Variants in LRRC27 observed in about 807,000 individuals in gnomAD.
LRRC27 encodes leucine-rich repeat-containing protein 27.
In LRRC27, 57 loss-of-function variants were observed where a neutral mutation model predicts 55.0. The ratio of observed to expected loss-of-function variants is 1.04; its 90% CI spans 0.84 to 1.29. The LOEUF is 1.29. LRRC27 is among the 50% of genes most tolerant of loss of function. LRRC27 has a pLI of 0.00. For synonymous variants in LRRC27, 278 were observed against 251.9 expected (o/e 1.10, Z -0.98); for missense variants, 721 against 651.5 (o/e 1.11, Z -1.16).
At chr10:132,333,010 A>G (rs1430028561) in intron 1 of LRRC27, among the ~76,000 whole-genome samples, 2 of 152,342 alleles carry the variant, frequency 1.3e-5, no homozygotes, top group African/African-American at 4.8e-5. Context: ...AGCCAGACTT[A>G]GTTCTGGTCA....
At chr10:132,361,750 C>T (rs552040688) in intron 9 of LRRC27, among the ~76,000 whole-genome samples, 175 bp downstream of exon 9, 2 of 152,184 alleles carry the variant, frequency 1.3e-5, no homozygotes, top group East Asian at 1.9e-4. Flanking sequence ...AGCCAGGTAA[C>T]CCTGGAAGAT....
intron 7 of LRRC27, among the ~76,000 whole-genome samples, chr10:132,355,503 C>T (rs2068264993): frequency 1.3e-5 from 2 of 152,214 alleles, no homozygotes; most frequent in Non-Finnish European, 1.5e-5. Context: ...TGAAAGGGGT[C>T]CTGATGCCTT....
intron 5 of LRRC27, 90 bp downstream of exon 5, chr10:132,344,740 C>A: frequency 7.0e-7 from 1 of 1,437,940 alleles, no homozygotes; most frequent in Non-Finnish European, 9.6e-7. Context: ...TCTTTAATAA[C>A]ATCCTGAGAA....
intron 9 of LRRC27, among the ~76,000 whole-genome samples, chr10:132,364,420 T>TACATCTACCTCC (rs1564853282): frequency 1.5e-5 from 1 of 66,588 alleles, no homozygotes; most frequent in Non-Finnish European, 3.2e-5. Context: ...CACCCGCGCT[T>TACATCTACCTCC]ACACCCACGC....
intron 10 of LRRC27, among the ~76,000 whole-genome samples, chr10:132,369,704 C>CT (rs1296540857): frequency 2.0e-5 from 3 of 152,216 alleles, no homozygotes; most frequent in East Asian, 1.9e-4. Context: ...ACTGTGGACT[C>CT]TGAGTGGTGG....
intron 10 of LRRC27, among the ~76,000 whole-genome samples, chr10:132,370,356 A>G (rs1190032452): frequency 6.6e-6 from 1 of 152,250 alleles, no homozygotes; most frequent in Non-Finnish European, 1.5e-5. Context: ...AGACAGGGAC[A>G]TAAACACCCG....
chr10:132,366,558 C>T lies in LRRC27; in HGVS notation c.1416+1008C>T, dbSNP rs114943765. On this transcript the variant is annotated intron_variant, in intron 10 of 10. Transcript: ENST00000368614. The stretch of plus-strand genomic sequence containing the variant: ...GCCAGCCCATCCAGCTGTAGAAGGA[C>T]ACAGCTGCTGTCCCTGGCAGTGAAC... The T allele has an allele frequency of 6.7e-3, 1,090 of 161,516 alleles. 7 individuals carry two copies. The highest frequency in any genetic ancestry group is 0.024 in the Middle Eastern group (8 of 328). The allele number at this position is 161,516 out of a possible 1,614,324, so 10.0% of individuals were successfully genotyped here.
At chr10:132,362,437 G>A (rs575507761) in intron 9 of LRRC27, among the ~76,000 whole-genome samples, 3 of 152,174 alleles carry the variant, frequency 2.0e-5, no homozygotes, top group Admixed American at 6.5e-5. Flanking sequence ...TGGGTGGCCC[G>A]GCGAGTTCAC....
intron 10 of LRRC27, among the ~76,000 whole-genome samples, chr10:132,368,559 G>A (rs774323026): frequency 2.6e-4 from 40 of 152,200 alleles, no homozygotes; most frequent in African/African-American, 6.0e-4. Flanking sequence ...CAACTCAGTG[G>A]AGAAAGCGTA....
intron 10 of LRRC27, among the ~76,000 whole-genome samples, chr10:132,373,749 C>A (rs1250867015): frequency 6.6e-6 from 1 of 152,170 alleles, no homozygotes; most frequent in Non-Finnish European, 1.5e-5. Flanking sequence ...CCCCCGGCCG[C>A]CCCCTACTGT....
chr10:132,367,372 CAG>C (rs929111496), intron 10 of LRRC27, among the ~76,000 whole-genome samples: 11 of 152,270 alleles, frequency 7.2e-5, no homozygotes, highest in African/African-American at 2.6e-4. Flanking sequence ...AAGACAGAAA[CAG>C]AGAGAAAACT....
In LRRC27 at chr10:132,372,377, G is replaced by T. The variant is rs952193453; in HGVS notation, c.1417-2689G>T. Among the ~76,000 whole-genome samples the T allele has an allele frequency of 2.0e-5, 3 of 152,232 alleles. No individual in the cohort carries two copies. The highest frequency in any genetic ancestry group is 7.2e-5 in the African/African-American group (3 of 41,456). On this transcript the variant is annotated intron_variant, in intron 10 of 10. Coordinates refer to ENST00000368614, the MANE Select transcript of LRRC27 (RefSeq NM_030626.3). The surrounding 1 kb of genome is among the most constrained non-coding windows in gnomAD (Gnocchi z 4.0). ...AGGTCAGGAGTTTGAGACCAACCTG[G>T]CCAACCTGGTGAAACCCCGTCTCTA...
chr10:132,337,706 T>C lies in LRRC27; in HGVS notation c.341+11T>C. 1 of 1,612,170 alleles carries C rather than the reference T, an allele frequency of 6.2e-7. No individual in the cohort carries two copies. The highest frequency in any genetic ancestry group is 1.1e-5 in the South Asian group (1 of 90,872). On this transcript the variant is annotated intron_variant, in intron 3 of 10. Coordinates refer to ENST00000368614, the MANE Select transcript of LRRC27 (RefSeq NM_030626.3). ...GATTGGAGCTCACCAGTAAGTTGTT[T>C]ATGTTTCCAGATTTTAAAAATCATC...
At position 132,377,147 on chromosome 10, in the gene LRRC27, G is replaced by A. The variant is rs1220139581; in HGVS notation, c.*1905G>A. The A allele has an allele frequency of 1.3e-5, 2 of 152,070 alleles. No individual in the cohort carries two copies. The highest frequency in any genetic ancestry group is 4.8e-5 in the African/African-American group (2 of 41,374). 9.4% of individuals were successfully genotyped at this position (152,070 alleles called of 1,614,324 possible). A position where few individuals can be genotyped will look rare whatever the true frequency, so the allele number is the denominator to read the frequency against. On this transcript the variant is annotated 3_prime_UTR_variant, in exon 11 of 11. Coordinates refer to ENST00000368614, the MANE Select transcript of LRRC27 (RefSeq NM_030626.3). ...TCTTCTTCCCTCCTTCTACTGTACT[G>A]GATTTAAAGCGCACCTTATAGAGAC...
intron 6 of LRRC27, 163 bp from the exon 7 acceptor site, chr10:132,351,444 C>A (rs2068004938): frequency 3.9e-6 from 3 of 776,294 alleles, no homozygotes; most frequent in Non-Finnish European, 6.4e-6. Context: ...GTCCTGAAAT[C>A]AACAGTCAAG....
At position 132,380,526 on chromosome 10, in the gene LRRC27, G is replaced by A. The variant is rs535418351; in HGVS notation, c.*5284G>A. On this transcript the variant is annotated 3_prime_UTR_variant, in exon 11 of 11. Transcript: ENST00000368614. ...TGATCTGTTTTAACTGGACATGGTG[G>A]CACACGCCTGCAGTCCCAGCTACTC... 1.3e-5 allele frequency among the ~76,000 whole-genome samples: 2 copies of A among 152,168 alleles called. No individual in the cohort carries two copies. The highest frequency in any genetic ancestry group is 4.8e-5 in the African/African-American group (2 of 41,488).
intron 10 of LRRC27, among the ~76,000 whole-genome samples, chr10:132,370,000 G>A (rs1015305175): frequency 2.0e-5 from 3 of 152,112 alleles, no homozygotes; most frequent in Non-Finnish European, 4.4e-5. Context: ...TGCCACCTAG[G>A]AGGAAGGCGG....
intron 5 of LRRC27, among the ~76,000 whole-genome samples, chr10:132,347,215 C>G (rs1479003413): frequency 6.6e-6 from 1 of 152,262 alleles, no homozygotes; most frequent in Non-Finnish European, 1.5e-5. Flanking sequence ...CAAGATTGCC[C>G]TGTGTACACA....
intron 3 of LRRC27, among the ~76,000 whole-genome samples, chr10:132,341,519 G>A (rs186954850): frequency 1.3e-5 from 2 of 152,128 alleles, no homozygotes; most frequent in Admixed American, 6.5e-5. Flanking sequence ...TTTCCTGTCC[G>A]TCTGTCTAGG....
Sources: allele counts gnomAD v4.1 joint callset (sites outside exome capture counted in the v4.1 genomes callset), GRCh38; gene constraint gnomAD v4.1.1; non-coding constraint Gnocchi (gnomAD v3.1); transcripts MANE v1.5; gene names NCBI Gene and HGNC (gene_info 2026-07-23, HGNC 2026-07-21).